The following HDDC2 variants were observed in gnomAD, a reference collection of about 807,000 sequenced individuals.
HDDC2 encodes the protein 5'-deoxynucleotidase HDDC2.
A neutral mutation model predicts 25.5 loss-of-function variants in HDDC2; 25 were observed. That is an observed-to-expected ratio of 0.98 (90% CI 0.72 to 1.37). The LOEUF is 1.37. HDDC2 is among the 40% of genes most tolerant of loss of function. The pLI, the probability that HDDC2 is intolerant of heterozygous loss-of-function variation, is 0.00. For missense variants in HDDC2, 264 were observed against 253.1 expected (o/e 1.04, Z -0.29); for synonymous variants, 106 against 89.7 (o/e 1.18, Z -1.03).
At position 125,276,142 on chromosome 6, in the gene HDDC2, T is replaced by A. The variant is rs918677641; in HGVS notation, c.*4A>T. ...TACAGGAGTGCAGCAATTTAGAGAGTGTCTCAGGAGTGTGGCTCACTGGCA... is the reference window on the plus strand; with the variant it reads ...TACAGGAGTGCAGCAATTTAGAGAGAGTCTCAGGAGTGTGGCTCACTGGCA... On this transcript the variant is annotated 3_prime_UTR_variant, in exon 6 of 6. Transcript: ENST00000398153. The A allele has an allele frequency of 3.8e-6, 6 of 1,594,660 alleles. No individual in the cohort carries two copies. The African/African-American group carries it at 8.1e-5, about 21-fold the overall frequency.
intron 4 of HDDC2, among the ~76,000 whole-genome samples, chr6:125,285,216 T>C (rs1798513166): frequency 6.6e-6 from 1 of 151,962 alleles, no homozygotes; most frequent in African/African-American, 2.4e-5. Context: ...CTAATGTAGA[T>C]GACAGGTTGA....
chr6:125,300,165 C>T (rs1485108201), intron 2 of HDDC2: 1 of 167,372 alleles, frequency 6.0e-6, no homozygotes, highest in East Asian at 1.7e-4. Context: ...GTCTTGCACA[C>T]ACAACTCCAA....
chr6:125,289,704 G>T (rs921718689), intron 4 of HDDC2, among the ~76,000 whole-genome samples: 3 of 151,954 alleles, frequency 2.0e-5, no homozygotes, highest in Non-Finnish European at 4.4e-5. Flanking sequence ...AGAATGAATT[G>T]GGGGGAGACA....
At chr6:125,288,320 G>T (rs567233421) in intron 4 of HDDC2, among the ~76,000 whole-genome samples, 7 of 152,214 alleles carry the variant, frequency 4.6e-5, no homozygotes, top group African/African-American at 1.4e-4. Flanking sequence ...CCCACTGATG[G>T]GGTGCTGGCA....
Position 125,276,253 on chromosome 6 carries a change from A to C in HDDC2, c.518-10T>G, listed in dbSNP as rs745608375. The C allele has an allele frequency of 6.2e-7, 1 of 1,601,230 alleles. No homozygotes were observed. Among genetic ancestry groups the C allele is most frequent in the Non-Finnish European group, 8.6e-7 (1 of 1,168,458 alleles). ...GGGTGATTGAATTTTCCTGCAAAGC[A>C]AAAGAACAGGGAAAAATACATTCCC... On this transcript the variant is annotated splice_polypyrimidine_tract_variant and intron_variant, in intron 5 of 5. Transcript: ENST00000398153.
chr6:125,301,828 C>T (rs1427567087), intron 1 of HDDC2, 21 bp downstream of exon 1: 2 of 1,533,098 alleles, frequency 1.3e-6, no homozygotes, highest in Admixed American at 3.9e-5. Context: ...GCCGCGGCCT[C>T]CCGGCCTGGT....
intron 4 of HDDC2, among the ~76,000 whole-genome samples, chr6:125,290,026 G>A (rs1463759735): frequency 6.6e-6 from 1 of 152,174 alleles, no homozygotes; most frequent in Non-Finnish European, 1.5e-5. Context: ...GATGTTTAAT[G>A]GCTGCAAATA....
At chr6:125,298,907 T>C in intron 2 of HDDC2, 91 bp from the exon 3 acceptor site, 2 of 775,778 alleles carry the variant, frequency 2.6e-6, no homozygotes, top group Non-Finnish European at 4.1e-6. Context: ...ATAATATATA[T>C]ATTTTTTCTC....
At chr6:125,285,170 G>C (rs1486830809) in intron 4 of HDDC2, among the ~76,000 whole-genome samples, 2 of 151,038 alleles carry the variant, frequency 1.3e-5, no homozygotes, top group East Asian at 2.0e-4. Flanking sequence ...GTCGGGGGGT[G>C]GGGGGCAAGG....
chr6:125,296,265 A>G (rs1240665700), intron 3 of HDDC2, among the ~76,000 whole-genome samples: 2 of 152,120 alleles, frequency 1.3e-5, no homozygotes, highest in Non-Finnish European at 2.9e-5. Context: ...CAAATACGAC[A>G]CCATTTTATC....
At chr6:125,299,237 G>T (rs1425558342) in intron 2 of HDDC2, among the ~76,000 whole-genome samples, 2 of 152,142 alleles carry the variant, frequency 1.3e-5, no homozygotes, top group Non-Finnish European at 2.9e-5. Context: ...ACAAAAATTA[G>T]CTGGGTGTGG....
At chr6:125,296,460 A>G (rs1252904210) in intron 3 of HDDC2, among the ~76,000 whole-genome samples, 1 of 152,184 alleles carries the variant, frequency 6.6e-6, no homozygotes, top group Non-Finnish European at 1.5e-5. Flanking sequence ...AGAAACCCTC[A>G]TTTAATTATC....
chr6:125,291,246 T>C (rs1798627767), intron 4 of HDDC2, among the ~76,000 whole-genome samples: 1 of 152,174 alleles, frequency 6.6e-6, no homozygotes. Context: ...TAGTAACAGG[T>C]ACTGTCTGAG....
rs1213492714 is a variant in HDDC2 at position 125,300,588 on chromosome 6, C to T, written c.156G>A (p.Arg52=). The T allele has an allele frequency of 3.1e-6, 5 of 1,614,056 alleles. No homozygotes were observed. The African/African-American group carries it at 6.7e-5, about 22-fold the overall frequency. Residue 52 remains arginine (R), a synonymous_variant, in exon 2 of 6, where the codon CGG becomes CGA. Transcript: ENST00000398153. Reference sequence around the variant, plus strand: ...TGATCACCATAGCCATAACTGCCATCCGGTACATGTGATCTGAAACGCTCT... The same window carrying T: ...TGATCACCATAGCCATAACTGCCATTCGGTACATGTGATCTGAAACGCTCT... ...RPESVSDHMY[R]MAVMAMVIKD... is the part of the protein sequence containing the mutation.
chr6:125,290,718 A>G (rs1249543371), intron 4 of HDDC2, among the ~76,000 whole-genome samples: 1 of 152,216 alleles, frequency 6.6e-6, no homozygotes, highest in Non-Finnish European at 1.5e-5. Flanking sequence ...CAAAAGCTAG[A>G]AAGAGGCAAG....
chr6:125,277,275 C>G (rs780295164), intron 4 of HDDC2, 35 bp from the exon 5 acceptor site: 2 of 1,608,850 alleles, frequency 1.2e-6, no homozygotes, highest in Non-Finnish European at 1.7e-6. Context: ...GCATGATTAG[C>G]GCTGCATAAT....
At chr6:125,287,581 C>T (rs1170543645) in intron 4 of HDDC2, among the ~76,000 whole-genome samples, 1 of 152,126 alleles carries the variant, frequency 6.6e-6, no homozygotes, top group Non-Finnish European at 1.5e-5. Flanking sequence ...TTAGGTGTAA[C>T]TGTTCAGGAG....
chr6:125,286,098 G>T lies in HDDC2; in HGVS notation c.378+6743C>A, dbSNP rs77501168. The stretch of plus-strand genomic sequence containing the variant: ...GACTTTCAAGTATAAAGAACACAGA[G>T]AAACTATTAATAACATGCAAGAAGA... On this transcript the variant is annotated intron_variant, in intron 4 of 5. Coordinates refer to ENST00000398153, the MANE Select transcript of HDDC2 (RefSeq NM_016063.3). Among the ~76,000 whole-genome samples, 564 of 152,306 alleles carry T rather than the reference G, an allele frequency of 3.7e-3. 4 individuals carry two copies. The highest frequency in any genetic ancestry group is 0.013 in the African/African-American group (540 of 41,570).
intron 3 of HDDC2, 81 bp from the exon 4 acceptor site, chr6:125,292,990 G>A (rs777804755): frequency 2.1e-5 from 23 of 1,103,110 alleles, no homozygotes; most frequent in African/African-American, 6.1e-5. Flanking sequence ...AAATAGGTTC[G>A]GATTCTTACA....
Sources: gnomAD v4.1 joint callset for allele counts (sites outside exome capture counted in the v4.1 genomes callset) on GRCh38, gnomAD v4.1.1 for gene constraint, MANE v1.5 for transcripts, NCBI Gene and HGNC (gene_info 2026-07-23, HGNC 2026-07-21) for gene names.